SECISBP2L: variants seen among roughly 807,000 people sequenced by gnomAD.
SECISBP2L encodes the protein SECIS binding protein 2 like, also known as selenocysteine insertion sequence-binding protein 2-like.
A neutral mutation model predicts 114.7 loss-of-function variants in SECISBP2L; 43 were observed. That is an observed-to-expected ratio of 0.38 (90% CI 0.29 to 0.48). The LOEUF (loss-of-function observed/expected upper bound fraction) is 0.48, where lower values mean the gene tolerates loss of function less well. Ranked by LOEUF, SECISBP2L falls within the 20% of genes least tolerant of loss-of-function variation. SECISBP2L has a pLI of 0.98. For missense variants in SECISBP2L, 1,136 were observed against 1,301.1 expected, an observed-to-expected ratio of 0.87 and a Z score of 1.95; for synonymous variants, 451 against 439.7, an observed-to-expected ratio of 1.03 and a Z score of -0.32.
chr15:49,035,121 A>G (rs898060681), intron 3 of SECISBP2L, among the ~76,000 whole-genome samples: 5 of 152,240 alleles, frequency 3.3e-5, no homozygotes, highest in Admixed American at 2.6e-4. Flanking sequence ...AGGAATGTGA[A>G]AATGATTATA....
intron 14 of SECISBP2L, among the ~76,000 whole-genome samples, chr15:49,004,998 T>C (rs1422600647): frequency 6.6e-6 from 1 of 152,198 alleles, no homozygotes; most frequent in Non-Finnish European, 1.5e-5. Context: ...TAATTTTCTG[T>C]CTCGTTGATG....
At chr15:49,017,690 G>A (rs1902564442) in intron 8 of SECISBP2L, 62 bp from the exon 9 acceptor site, 9 of 1,097,094 alleles carry the variant, frequency 8.2e-6, no homozygotes, top group East Asian at 7.5e-5. Flanking sequence ...TTTTTATAAT[G>A]CTTAGAAGTA....
intron 12 of SECISBP2L, 136 bp from the exon 13 acceptor site, chr15:49,011,999 G>T: frequency 1.1e-6 from 1 of 894,700 alleles, no homozygotes; most frequent in Non-Finnish European, 1.7e-6. Context: ...TGGCAAAAAG[G>T]CAAATGTAAT....
chr15:49,014,708 G>A (rs1439784229), intron 11 of SECISBP2L, among the ~76,000 whole-genome samples: 1 of 149,298 alleles, frequency 6.7e-6, no homozygotes, highest in Non-Finnish European at 1.5e-5. Flanking sequence ...ATATATGGGT[G>A]TATATATATT....
At chr15:49,020,403 G>T (rs891842145) in intron 7 of SECISBP2L, among the ~76,000 whole-genome samples, 1 of 151,736 alleles carries the variant, frequency 6.6e-6, no homozygotes, top group Non-Finnish European at 1.5e-5. Flanking sequence ...TAGAGACAGG[G>T]GTCTCGCTAT....
intron 14 of SECISBP2L, 69 bp from the exon 15 acceptor site, chr15:49,001,166 A>C (rs1902199413): frequency 1.1e-6 from 1 of 945,166 alleles, no homozygotes; most frequent in Non-Finnish European, 1.6e-6. Context: ...AACTGCATTA[A>C]GAAAATATCT....
chr15:48,994,698 C>T (rs894032124), intron 17 of SECISBP2L, among the ~76,000 whole-genome samples: 1 of 152,068 alleles, frequency 6.6e-6, no homozygotes, highest in African/African-American at 2.4e-5. Flanking sequence ...GACAGGCAAT[C>T]GCTAACCTGA....
chr15:49,000,437 AC>A (rs1160852662), intron 15 of SECISBP2L, among the ~76,000 whole-genome samples: 6 of 152,150 alleles, frequency 3.9e-5, no homozygotes, highest in Non-Finnish European at 7.3e-5. Flanking sequence ...TACTACAGTC[AC>A]CTAAAGTTGC....
chr15:49,017,585 T>G lies in SECISBP2L; in HGVS notation c.1214A>C (p.Lys405Thr), dbSNP rs777384058. The G allele has an allele frequency of 8.7e-6, 14 of 1,608,652 alleles. No homozygotes were observed. In the Admixed American group the frequency reaches 2.4e-4, roughly 27 times the overall value. Residue 405 changes from lysine (K) to threonine (T), a missense_variant, in exon 9 of 18, where the codon AAG becomes ACG. Physicochemically the swap from Lys to Thr is moderately conservative, Grantham distance 78 (BLOSUM62 -1). Coordinates refer to ENST00000559471, the MANE Select transcript of SECISBP2L (RefSeq NM_001193489.2). Reference protein sequence around the residue: ...FQELNENGNAKDENIQQKLSS... With the variant: ...FQELNENGNATDENIQQKLSS... Reference sequence around the variant, plus strand: ...AAGTTTTTGTTGAATATTCTCATCCTTAGCATTTCCATTCTCATTTAGTTC... The same window carrying G: ...AAGTTTTTGTTGAATATTCTCATCCGTAGCATTTCCATTCTCATTTAGTTC...
chr15:49,042,074 GT>G (rs561852112), intron 1 of SECISBP2L, among the ~76,000 whole-genome samples: 2 of 152,092 alleles, frequency 1.3e-5, no homozygotes, highest in African/African-American at 4.8e-5. Context: ...CAAATCTAAT[GT>G]TTTTTAAATC....
chr15:49,027,959 T>G (rs74485774), intron 6 of SECISBP2L, among the ~76,000 whole-genome samples, 185 bp downstream of exon 6: 2,125 of 152,228 alleles, frequency 0.014, 56 homozygotes, highest in African/African-American at 0.049. Context: ...AGTGTCCTCT[T>G]ACAGAATACC....
At chr15:49,005,329 C>CA (rs113794682) in intron 14 of SECISBP2L, among the ~76,000 whole-genome samples, 38 of 151,104 alleles carry the variant, frequency 2.5e-4, no homozygotes, top group Admixed American at 2.6e-4. Flanking sequence ...GACTCCATCT[C>CA]AAAAAAAAAG....
chr15:48,996,606 T>C lies in SECISBP2L; in HGVS notation c.2404-20A>G. ...CAGGCTCTGAAAAGAAAGAGTATTTTGATTAATCCATTTTTTTGTTACACT... is the reference window on the plus strand; with the variant it reads ...CAGGCTCTGAAAAGAAAGAGTATTTCGATTAATCCATTTTTTTGTTACACT... On this transcript the variant is annotated intron_variant, in intron 16 of 17. Transcript: ENST00000559471. 1.3e-6 allele frequency: 2 copies of C among 1,596,016 alleles called. No individual in the cohort carries two copies. The highest frequency in any genetic ancestry group is 2.7e-5 in the African/African-American group (2 of 74,230).
intron 4 of SECISBP2L, among the ~76,000 whole-genome samples, chr15:49,030,699 G>A (rs1391631798): frequency 6.6e-6 from 1 of 152,154 alleles, no homozygotes; most frequent in East Asian, 1.9e-4. Context: ...GTTTCCCTAA[G>A]TCTTTAATCA....
chr15:48,997,578 T>C (rs952018952), intron 16 of SECISBP2L, among the ~76,000 whole-genome samples: 12 of 152,198 alleles, frequency 7.9e-5, no homozygotes, highest in Non-Finnish European at 1.5e-4. Context: ...TATTCACATC[T>C]AATGAGATGG....
Position 48,999,948 on chromosome 15 carries a change from G to A in SECISBP2L, c.2288C>T (p.Ala763Val). The A allele has an allele frequency of 1.2e-6, 2 of 1,613,882 alleles. No individual in the cohort carries two copies. The highest frequency in any genetic ancestry group is 1.7e-6 in the Non-Finnish European group (2 of 1,179,880). ...DEALYNVIAMAREQEIPFVFA... is the reference protein window; with the variant it reads ...DEALYNVIAMVREQEIPFVFA... ...CACAAAAGGAATTTCTTGTTCCCGT[G>A]CCATGGCTATAACATTATAGAGAGC... Residue 763 changes from alanine (A) to valine (V), a missense_variant, in exon 16 of 18, where the codon GCA becomes GTA. This residue lies in a region of SECISBP2L where 684 missense variants were observed against 848.7 expected (regional missense o/e 0.81). Coordinates refer to ENST00000559471, the MANE Select transcript of SECISBP2L (RefSeq NM_001193489.2).
Position 49,046,438 on chromosome 15 carries a change from T to C in SECISBP2L, c.-139A>G, listed in dbSNP as rs762188460. On this transcript the variant is annotated 5_prime_UTR_variant, in exon 1 of 18. Transcript: ENST00000559471. ...TGGCTGGCCGCGACACCGATTCGGC[T>C]ACGCCACTGGCCGAGGAGGCGGCTC... 35 of 940,124 alleles carry C rather than the reference T, an allele frequency of 3.7e-5. No individual in the cohort carries two copies. The highest frequency in any genetic ancestry group is 4.6e-5 in the Non-Finnish European group (31 of 676,484). 58.2% of individuals were successfully genotyped at this position (940,124 alleles called of 1,614,324 possible).
chr15:49,037,724 T>C lies in SECISBP2L; in HGVS notation c.70A>G (p.Lys24Glu). 6.2e-7 allele frequency: 1 copy of C among 1,611,424 alleles called. No homozygotes were observed. The highest frequency in any genetic ancestry group is 8.5e-7 in the Non-Finnish European group (1 of 1,178,118). Residue 24 changes from lysine (K) to glutamate (E), a missense_variant, in exon 2 of 18, where the codon AAG (lysine) becomes GAG (glutamate). Lys to Glu is a moderately conservative substitution (Grantham distance 56). Coordinates refer to ENST00000559471, the MANE Select transcript of SECISBP2L (RefSeq NM_001193489.2). Reference protein sequence around the residue: ...AEVEPFIPQKKSPDTFMIPMA... With the variant: ...AEVEPFIPQKESPDTFMIPMA... ...GGGATCATAAATGTATCAGGACTCT[T>C]CTTCTGGGGAATAAATGGCTCCACC... is the stretch of plus-strand genomic sequence containing the variant.
Position 48,989,542 on chromosome 15 carries a change from G to A in SECISBP2L, c.*2702C>T, listed in dbSNP as rs1396534111. ...CAAACATATTTAAACCGAAAATTAA[G>A]CTAATATGAACATCTGTCTTTTGAG... is the stretch of plus-strand genomic sequence containing the variant. On this transcript the variant is annotated 3_prime_UTR_variant, in exon 18 of 18. Coordinates refer to ENST00000559471, the MANE Select transcript of SECISBP2L (RefSeq NM_001193489.2). 1 of 152,508 alleles carries A rather than the reference G, an allele frequency of 6.6e-6. No individual in the cohort carries two copies. Among genetic ancestry groups the A allele is most frequent in the African/African-American group, 2.4e-5 (1 of 41,428 alleles). The allele number at this position is 152,508 out of a possible 1,614,324, so 9.4% of individuals were successfully genotyped here.
Sources: allele counts gnomAD v4.1 joint callset (sites outside exome capture counted in the v4.1 genomes callset), GRCh38; gene constraint gnomAD v4.1.1; regional missense constraint gnomAD v4.1.1; transcripts MANE v1.5; gene names NCBI Gene and HGNC (gene_info 2026-07-23, HGNC 2026-07-21).